The following ZNF443 variants were observed in gnomAD, a reference collection of about 807,000 sequenced individuals.
ZNF443 encodes the protein zinc finger protein 443, also known as Kruppel-type zinc finger (C2H2).
In ZNF443, 3 loss-of-function variants were observed where a neutral mutation model predicts 12.0. The ratio of observed to expected loss-of-function variants is 0.25; its 90% CI spans 0.11 to 0.64. The LOEUF (loss-of-function observed/expected upper bound fraction) is 0.64. ZNF443 is among the 30% of genes least tolerant of loss of function. ZNF443 has a pLI of 0.84. For missense variants in ZNF443, 770 were observed against 808.8 expected (o/e 0.95, Z 0.58); for synonymous variants, 225 against 265.9 (o/e 0.85, Z 1.50).
intron 1 of ZNF443, among the ~76,000 whole-genome samples, chr19:12,438,272 G>A (rs915820088): frequency 3.3e-5 from 5 of 152,176 alleles, no homozygotes; most frequent in Admixed American, 1.3e-4. Context: ...CTATGTCTAC[G>A]GGTGGGAAGG....
chr19:12,437,700 ATTTTT>A (rs778018767), intron 1 of ZNF443, among the ~76,000 whole-genome samples: 1 of 151,932 alleles, frequency 6.6e-6, no homozygotes, highest in Non-Finnish European at 1.5e-5. Flanking sequence ...CAAGAAAACT[ATTTTT>A]TTTATTCTCT....
chr19:12,440,854 T>C, intron 1 of ZNF443, 58 bp downstream of exon 1: 1 of 1,613,578 alleles, frequency 6.2e-7, no homozygotes, highest in Non-Finnish European at 8.5e-7. Context: ...CACAGCCGAT[T>C]ACGGCCGGTT....
At position 12,430,605 on chromosome 19, in the gene ZNF443, T is replaced by A. The variant is rs1429501158; in HGVS notation, c.1567A>T (p.Lys523Ter). 1 of 1,613,640 alleles carries A rather than the reference T, an allele frequency of 6.2e-7. No homozygotes were observed. The highest frequency in any genetic ancestry group is 8.5e-7 in the Non-Finnish European group (1 of 1,179,818). ...FSRFRYLSRH[K>*]RTHTGEKPYE... is the part of the protein sequence containing the mutation. ...GGTTTCTCTCCTGTGTGAGTCCTTTTATGTCGAGAAAGGTATCTGAAACGA... is the reference window on the plus strand; with the variant it reads ...GGTTTCTCTCCTGTGTGAGTCCTTTAATGTCGAGAAAGGTATCTGAAACGA... Residue 523 changes from lysine (K) to a stop codon, truncating the protein, a stop_gained, in exon 4 of 4, where the codon AAA becomes TAA. Coordinates refer to ENST00000301547, the MANE Select transcript of ZNF443 (RefSeq NM_005815.5). LOFTEE classifies it low-confidence loss of function (END_TRUNC).
In ZNF443 at chr19:12,430,538, T is replaced by C; in HGVS notation, c.1634A>G (p.Asp545Gly). 1 of 1,614,108 alleles carries C rather than the reference T, an allele frequency of 6.2e-7. No homozygotes were observed. Among genetic ancestry groups the C allele is most frequent in the Admixed American group, 1.7e-5 (1 of 60,016 alleles). ...KTCRKAFGHY[D>G]NLKVHERIHS... is the part of the protein sequence containing the mutation. ...AATTCTTTCATGTACCTTTAAGTTA[T>C]CATAATGACCGAAGGCTTTCCTACA... is the stretch of plus-strand genomic sequence containing the variant. Residue 545 changes from aspartate (D) to glycine (G), a missense_variant, in exon 4 of 4, where the codon GAT (aspartate) becomes GGT (glycine). Around this residue, in one of 3 missense-constraint regions of ZNF443, gnomAD observed 736 missense variants for 689.4 expected, o/e 1.07. Coordinates refer to ENST00000301547, the MANE Select transcript of ZNF443 (RefSeq NM_005815.5).
intron 1 of ZNF443, among the ~76,000 whole-genome samples, chr19:12,437,912 T>G (rs1389338199): frequency 1.4e-5 from 2 of 145,524 alleles, no homozygotes; most frequent in South Asian, 4.4e-4. Flanking sequence ...GCCAATATGG[T>G]GAAACCCCGT....
chr19:12,433,839 GA>G (rs202135918), intron 1 of ZNF443, among the ~76,000 whole-genome samples: 2,339 of 115,050 alleles, frequency 0.02, 27 homozygotes, highest in Non-Finnish European at 0.029. Flanking sequence ...CAAAGTGGCA[GA>G]AAAAAAAAAA....
intron 1 of ZNF443, among the ~76,000 whole-genome samples, chr19:12,434,089 C>G (rs1240951199): frequency 6.6e-6 from 1 of 152,168 alleles, no homozygotes; most frequent in Non-Finnish European, 1.5e-5. Context: ...CAGCCTTAAC[C>G]CTGGACTTCC....
intron 1 of ZNF443, among the ~76,000 whole-genome samples, chr19:12,439,188 C>A (rs1002600530): frequency 6.6e-6 from 1 of 152,142 alleles, no homozygotes; most frequent in African/African-American, 2.4e-5. Flanking sequence ...AACTTTCTAC[C>A]TTTTAAGTCT....
At chr19:12,434,762 A>G (rs1281708578) in intron 1 of ZNF443, among the ~76,000 whole-genome samples, 1 of 152,098 alleles carries the variant, frequency 6.6e-6, no homozygotes, top group African/African-American at 2.4e-5. Context: ...AAAGTCTCGT[A>G]GAGTTTTTAT....
intron 1 of ZNF443, among the ~76,000 whole-genome samples, chr19:12,436,548 A>G (rs1224619367): frequency 6.6e-6 from 1 of 151,998 alleles, no homozygotes; most frequent in Non-Finnish European, 1.5e-5. Flanking sequence ...TAAAATGAAG[A>G]CATCTTCACA....
At chr19:12,437,652 C>G (rs991012027) in intron 1 of ZNF443, among the ~76,000 whole-genome samples, 1 of 151,982 alleles carries the variant, frequency 6.6e-6, no homozygotes, top group Non-Finnish European at 1.5e-5. Flanking sequence ...CAAGGACTGA[C>G]AGAGTAGAAT....
Position 12,430,542 on chromosome 19 carries a change from A to T in ZNF443, c.1630T>A (p.Tyr544Asn), listed in dbSNP as rs1443540485. The change falls in exon 4 of 4, where the codon TAT (tyrosine) becomes AAT (asparagine). Residue 544 changes from tyrosine to asparagine, a missense_variant. Physicochemically the swap from Tyr to Asn is moderately radical, Grantham distance 143 (BLOSUM62 -2). Transcript: ENST00000301547. The part of the protein sequence containing the change: ...CKTCRKAFGH[Y>N]DNLKVHERIH... ...CTTTCATGTACCTTTAAGTTATCAT[A>T]ATGACCGAAGGCTTTCCTACATGTT... 17 of 1,613,974 alleles carry T rather than the reference A, an allele frequency of 1.1e-5. No homozygotes were observed. Among genetic ancestry groups the T allele is most frequent in the Non-Finnish European group, 1.4e-5 (16 of 1,179,992 alleles).
At chr19:12,438,944 G>A (rs1337517480) in intron 1 of ZNF443, among the ~76,000 whole-genome samples, 1 of 152,170 alleles carries the variant, frequency 6.6e-6, no homozygotes, top group Non-Finnish European at 1.5e-5. Flanking sequence ...GCTGAAAAGA[G>A]TAAACATATC....
chr19:12,431,541 A>G lies in ZNF443; in HGVS notation c.631T>C (p.Leu211=), dbSNP rs4804183. The G allele has an allele frequency of 0.3, 484,246 of 1,613,766 alleles. 75,719 individuals carry two copies. The highest frequency in any genetic ancestry group is 0.47 in the South Asian group (42,684 of 91,042). ...TGCGTTCTTTCATGCATATGTAATA[A>G]ACTGGGCCAAAAAAACGCTTTCCCA... is the stretch of plus-strand genomic sequence containing the variant. ...LCGKAFFWPS[L]LHMHERTHTG... Residue 211 remains leucine, a synonymous_variant, in exon 4 of 4, where the codon TTA becomes CTA. Coordinates refer to ENST00000301547, the MANE Select transcript of ZNF443 (RefSeq NM_005815.5).
rs1970235117 is a variant in ZNF443 at position 12,430,333 on chromosome 19, C to G, written c.1839G>C (p.Glu613Asp). The change falls in exon 4 of 4, where the codon GAG becomes GAC. Residue 613 changes from glutamate (E) to aspartate (D), a missense_variant. Physicochemically the swap from Glu to Asp is conservative, Grantham distance 45. This residue lies in a region of ZNF443 where 736 missense variants were observed against 689.4 expected (regional missense o/e 1.07). Transcript: ENST00000301547. Reference sequence around the variant, plus strand: ...CACATTCCTTACATTCATACGGGTTCTCTCCAGTATGAGTTTTTTCATGTC... The same window carrying G: ...CACATTCCTTACATTCATACGGGTTGTCTCCAGTATGAGTTTTTTCATGTC... ...LQGHEKTHTG[E>D]NPYECKECGK... 6.2e-7 allele frequency: 1 copy of G among 1,613,572 alleles called. No individual in the cohort carries two copies. The highest frequency in any genetic ancestry group is 1.3e-5 in the African/African-American group (1 of 74,842).
rs758631646 is a variant in ZNF443 at position 12,430,731 on chromosome 19, G to A, written c.1441C>T (p.Leu481Phe). 367 of 1,612,810 alleles carry A rather than the reference G, an allele frequency of 2.3e-4. No homozygotes were observed. Among genetic ancestry groups the A allele is most frequent in the Non-Finnish European group, 2.9e-4 (341 of 1,179,240 alleles). The change falls in exon 4 of 4, where the codon CTT (leucine) becomes TTT (phenylalanine). Residue 481 changes from leucine to phenylalanine, a missense_variant. Transcript: ENST00000301547. ...CAGAAATCAATACAGGCTTTCCCAA[G>A]TTTGCATTTATAGGGTTTCTCTCCA... ...HTGEKPYKCK[L>F]GKACIDFCSF... is the part of the protein sequence containing the mutation.
chr19:12,437,759 T>C (rs1227907330), intron 1 of ZNF443, among the ~76,000 whole-genome samples: 1 of 151,918 alleles, frequency 6.6e-6, no homozygotes, highest in Non-Finnish European at 1.5e-5. Context: ...ACATTAAATA[T>C]AAAGGTATGA....
chr19:12,438,101 A>AC (rs1176013332), intron 1 of ZNF443, among the ~76,000 whole-genome samples: 1 of 151,834 alleles, frequency 6.6e-6, no homozygotes, highest in Non-Finnish European at 1.5e-5. Context: ...TGTCTCAAAA[A>AC]AAAAAAAAAA....
intron 2 of ZNF443, among the ~76,000 whole-genome samples, chr19:12,432,738 T>C (rs2432253): frequency 1.5e-4 from 22 of 145,492 alleles, no homozygotes; most frequent in African/African-American, 4.4e-4. Context: ...ACAGTAAATA[T>C]AGTTTCTCTT....
Sources: allele counts gnomAD v4.1 joint callset (sites outside exome capture counted in the v4.1 genomes callset), GRCh38; gene constraint gnomAD v4.1.1; regional missense constraint gnomAD v4.1.1; transcripts MANE v1.5; gene names NCBI Gene and HGNC (gene_info 2026-07-23, HGNC 2026-07-21).